The following PTPN12 variants were observed in gnomAD, a reference collection of about 807,000 sequenced individuals.
The protein encoded by PTPN12 is tyrosine-protein phosphatase non-receptor type 12.
PTPN12 carries 29 observed loss-of-function variants against 97.6 expected under a neutral mutation model. That is an observed-to-expected ratio of 0.30 (90% CI 0.22 to 0.41). PTPN12 has a LOEUF of 0.41. PTPN12 is among the 10% of genes least tolerant of loss of function. The pLI is 1.00. For synonymous variants in PTPN12, 327 were observed against 300.4 expected (o/e 1.09, Z -0.91); for missense variants, 819 against 926.0 (o/e 0.88, Z 1.50).
At chr7:77,628,533 G>A (rs1198585195) in intron 13 of PTPN12, among the ~76,000 whole-genome samples, 2 of 151,758 alleles carry the variant, frequency 1.3e-5, no homozygotes, top group Non-Finnish European at 2.9e-5. Flanking sequence ...TAACGTGCAG[G>A]CAAAATAAGT....
At chr7:77,554,105 A>AC (rs1807596062) in intron 1 of PTPN12, among the ~76,000 whole-genome samples, 1 of 152,146 alleles carries the variant, frequency 6.6e-6, no homozygotes, top group Non-Finnish European at 1.5e-5. Flanking sequence ...AGCTAGGACT[A>AC]CAAGTGTGTG....
intron 11 of PTPN12, among the ~76,000 whole-genome samples, chr7:77,618,264 A>G (rs1012986318): frequency 2.6e-5 from 4 of 152,086 alleles, no homozygotes; most frequent in Non-Finnish European, 4.4e-5. Flanking sequence ...TGATCTTTCC[A>G]GTAACTGTGA....
chr7:77,537,993 G>A (rs1185062612), intron 1 of PTPN12: 2 of 970,752 alleles, frequency 2.1e-6, no homozygotes, highest in African/African-American at 3.6e-5. Context: ...GGGGGGGCTC[G>A]CGTTTCCACA....
intron 3 of PTPN12, among the ~76,000 whole-genome samples, chr7:77,583,255 A>G (rs887584262): frequency 2.0e-5 from 3 of 152,200 alleles, no homozygotes; most frequent in Non-Finnish European, 2.9e-5. Context: ...TTGAGTAGGT[A>G]TTAGGGCTTT....
chr7:77,574,636 C>T (rs552005926), intron 2 of PTPN12, among the ~76,000 whole-genome samples: 2 of 152,260 alleles, frequency 1.3e-5, no homozygotes, highest in South Asian at 4.2e-4. Context: ...TCCTGCAGTG[C>T]ATAGGATGCA....
chr7:77,611,062 CTA>C lies in PTPN12; in HGVS notation c.939+18_939+19del. 1 of 1,575,020 alleles carries C rather than the reference CTA, an allele frequency of 6.3e-7. No individual in the cohort carries two copies. The highest frequency in any genetic ancestry group is 1.1e-5 in the South Asian group (1 of 88,096). ...TGATGGAGTGGTAGGTGTTCTTGGT[CTA>C]TTAATTTTAGGAAACTTTTACTCTT... On this transcript the variant is annotated intron_variant, in intron 11 of 17. Coordinates refer to ENST00000248594, the MANE Select transcript of PTPN12 (RefSeq NM_002835.4).
chr7:77,631,761 A>G (rs1016728870), intron 13 of PTPN12, among the ~76,000 whole-genome samples: 7 of 152,248 alleles, frequency 4.6e-5, no homozygotes, highest in African/African-American at 1.7e-4. Flanking sequence ...ATAAATGAAG[A>G]TTTTTTAAAA....
intron 12 of PTPN12, 121 bp from the exon 13 acceptor site, chr7:77,626,584 G>A: frequency 9.8e-7 from 1 of 1,021,116 alleles, no homozygotes; most frequent in African/African-American, 1.6e-5. Flanking sequence ...CTGAAAAACT[G>A]CAGTTTTTAT....
intron 1 of PTPN12, among the ~76,000 whole-genome samples, chr7:77,558,987 A>G (rs1396114361): frequency 1.3e-5 from 2 of 152,072 alleles, no homozygotes; most frequent in South Asian, 2.1e-4. Context: ...GCACTCCAGC[A>G]TGGGTAGCAG....
chr7:77,576,998 A>G (rs567468415), intron 2 of PTPN12, among the ~76,000 whole-genome samples: 13 of 152,200 alleles, frequency 8.5e-5, no homozygotes, highest in Non-Finnish European at 1.9e-4. Context: ...TTGGTGTGTC[A>G]TTGCTTTTAG....
chr7:77,614,137 A>G (rs1788672265), intron 11 of PTPN12, among the ~76,000 whole-genome samples: 1 of 152,102 alleles, frequency 6.6e-6, no homozygotes, highest in Non-Finnish European at 1.5e-5. Context: ...CCCCCACCTC[A>G]GCCTCCCAAA....
intron 5 of PTPN12, among the ~76,000 whole-genome samples, chr7:77,588,722 T>G (rs1787771388): frequency 6.6e-6 from 1 of 152,216 alleles, no homozygotes; most frequent in Non-Finnish European, 1.5e-5. Context: ...TGTTACTTAG[T>G]AAACTTCAAA....
rs776049013 is a variant in PTPN12 at position 77,600,626 on chromosome 7, G to A, written c.553-38G>A. ...GCTGTGCAACTTTAAACTTTGCAAA[G>A]TATTTTCATAATTGTTGACTTTCTG... On this transcript the variant is annotated intron_variant, in intron 7 of 17. Transcript: ENST00000248594. The A allele has an allele frequency of 2.0e-5, 30 of 1,534,952 alleles. No individual in the cohort carries two copies. In the African/African-American group the frequency reaches 4.0e-4, roughly 21 times the overall value.
At chr7:77,607,894 C>G (rs1316435819) in intron 9 of PTPN12, among the ~76,000 whole-genome samples, 2 of 152,142 alleles carry the variant, frequency 1.3e-5, no homozygotes, top group African/African-American at 4.8e-5. Context: ...GCTGGGATTA[C>G]AGGTGCCTGC....
At chr7:77,571,319 G>A (rs1466114733) in intron 2 of PTPN12, 133 bp downstream of exon 2, 1 of 588,026 alleles carries the variant, frequency 1.7e-6, no homozygotes, top group African/African-American at 2.0e-5. Flanking sequence ...TACATGGAAA[G>A]ATAATAATTC....
intron 1 of PTPN12, among the ~76,000 whole-genome samples, chr7:77,546,644 G>A (rs1344851121): frequency 1.3e-5 from 2 of 152,316 alleles, no homozygotes; most frequent in African/African-American, 4.8e-5. Flanking sequence ...TGGAGAAAGT[G>A]GAGTGTGGAC....
chr7:77,576,810 C>T (rs1271061376), intron 2 of PTPN12, among the ~76,000 whole-genome samples: 1 of 152,252 alleles, frequency 6.6e-6, no homozygotes, highest in Non-Finnish European at 1.5e-5. Context: ...ATCATGGGTG[C>T]TGTGGCTTTC....
chr7:77,553,418 A>AAT (rs1807565924), intron 1 of PTPN12, among the ~76,000 whole-genome samples: 1 of 152,184 alleles, frequency 6.6e-6, no homozygotes, highest in Non-Finnish European at 1.5e-5. Flanking sequence ...AGTGGATTCA[A>AAT]ATATTTCTCC....
intron 6 of PTPN12, 46 bp downstream of exon 6, chr7:77,592,302 C>G: frequency 7.1e-7 from 1 of 1,403,144 alleles, no homozygotes; most frequent in Non-Finnish European, 9.9e-7. Flanking sequence ...AATTGGCATG[C>G]TATACTGATG....
Sources: allele counts gnomAD v4.1 joint callset (sites outside exome capture counted in the v4.1 genomes callset), GRCh38; gene constraint gnomAD v4.1.1; transcripts MANE v1.5; gene names NCBI Gene and HGNC (gene_info 2026-07-23, HGNC 2026-07-21).